The following NALCN variants were observed in gnomAD, a reference collection of about 807,000 sequenced individuals.
NALCN encodes sodium leak channel NALCN.
A neutral mutation model predicts 225.3 loss-of-function variants in NALCN; 111 were observed. The ratio of observed to expected loss-of-function variants is 0.49; its 90% confidence interval spans 0.42 to 0.58. NALCN has a LOEUF of 0.58. NALCN is among the 20% of genes least tolerant of loss of function. The probability of loss-of-function intolerance (pLI) is 0.00; values close to 1 mark genes in which losing one functional copy is unlikely to be tolerated. For synonymous variants in NALCN, 764 were observed against 769.0 expected (o/e 0.99, Z 0.11); for missense variants, 1,378 against 2,202.4 (o/e 0.63, Z 7.49).
rs74117821 is a variant in NALCN, at chr13:101,250,563, G to A, written c.1266+7880C>T. On this transcript the variant is annotated intron_variant, in intron 11 of 43. Transcript: ENST00000251127. ...TTCGAAGGACAATTGTTTATATATG[G>A]GGAAAAAATCAAGTCCTTATCTCAT... 6.2e-3 allele frequency among the ~76,000 whole-genome samples: 935 copies of A among 151,742 alleles called. 10 individuals carry two copies. The highest frequency in any genetic ancestry group is 0.022 in the African/African-American group (894 of 41,294).
chr13:101,232,891 G>T (rs73560749), intron 12 of NALCN, among the ~76,000 whole-genome samples: 2 of 151,946 alleles, frequency 1.3e-5, no homozygotes, highest in Admixed American at 1.3e-4. Context: ...AATCTGGAAA[G>T]ATTTCACATT....
intron 7 of NALCN, among the ~76,000 whole-genome samples, chr13:101,304,063 A>G (rs1291087543): frequency 6.6e-6 from 1 of 152,226 alleles, no homozygotes; most frequent in East Asian, 1.9e-4. Flanking sequence ...GGTATTCATA[A>G]GTCTTTTTGT....
intron 28 of NALCN, among the ~76,000 whole-genome samples, chr13:101,090,707 T>G (rs896374959): frequency 1.3e-5 from 2 of 152,174 alleles, no homozygotes; most frequent in Admixed American, 6.5e-5. Context: ...ACTCATTGGC[T>G]TATTCATTTT....
Position 101,095,670 on chromosome 13 carries a change from T to C in NALCN, c.3173A>G (p.Asn1058Ser), listed in dbSNP as rs780005350. 6.2e-6 allele frequency: 10 copies of C among 1,611,686 alleles called. No individual in the cohort carries two copies. The South Asian group carries it at 6.6e-5, about 11-fold the overall frequency. Reference sequence around the variant, plus strand: ...ACTGACATTAATTCTGAATATGCCATTGCAATCTTCCTAAAGTAGAAAAAC... The same window carrying C: ...ACTGACATTAATTCTGAATATGCCACTGCAATCTTCCTAAAGTAGAAAAAC... ...DPNIIRREDC[N>S]GIFRINVSVS... is the part of the protein sequence containing the mutation. The change falls in exon 28 of 44, where the codon AAT becomes AGT. Residue 1058 changes from asparagine to serine, a missense_variant. Asn to Ser is a conservative substitution (Grantham distance 46). Transcript: ENST00000251127.
At chr13:101,215,961 C>A (rs893515839) in intron 13 of NALCN, among the ~76,000 whole-genome samples, 1 of 152,004 alleles carries the variant, frequency 6.6e-6, no homozygotes, top group Non-Finnish European at 1.5e-5. Context: ...TGCTTAGCAA[C>A]CTATTCACAG....
In NALCN at chr13:101,345,676, TTCTATCTATCTA is replaced by T. The variant is rs71676800; in HGVS notation, c.645-268_645-257del. On this transcript the variant is annotated intron_variant, in intron 6 of 43. Transcript: ENST00000251127. ...CAAGACCTTGAGAGACCTTTGCTCT[TTCTATCTATCTA>T]TCTATCTATCTATCTATCTATCTAT... Among the ~76,000 whole-genome samples, 60 of 127,928 alleles carry T rather than the reference TTCTATCTATCTA, an allele frequency of 4.7e-4. 1 individual carries two copies. Among genetic ancestry groups the T allele is most frequent in the South Asian group, 2.5e-3 (10 of 3,992 alleles). 83.9% of individuals were successfully genotyped at this position (127,928 alleles called of 152,430 possible). A position where few individuals can be genotyped will look rare whatever the true frequency, so the allele number is the denominator to read the frequency against.
At chr13:101,163,753 T>C (rs2038302579) in intron 15 of NALCN, among the ~76,000 whole-genome samples, 1 of 152,076 alleles carries the variant, frequency 6.6e-6, no homozygotes, top group Non-Finnish European at 1.5e-5. Flanking sequence ...GGTGTGTTAG[T>C]TGTCTAGGGC....
At position 101,325,214 on chromosome 13, in the gene NALCN, A is replaced by G. The variant is rs1040533816; in HGVS notation, c.799+20052T>C. ...TGGGCTGACTTTATGAAATATCTCA[A>G]ACAAGTGTATAAACAGAGATGACCA... On this transcript the variant is annotated intron_variant, in intron 7 of 43. Coordinates refer to ENST00000251127, the MANE Select transcript of NALCN (RefSeq NM_052867.4). Among the ~76,000 whole-genome samples, 4 of 152,166 alleles carry G rather than the reference A, an allele frequency of 2.6e-5. No homozygotes were observed. The East Asian group carries it at 7.7e-4, about 29-fold the overall frequency.
At chr13:101,116,778 A>G (rs548628021) in intron 18 of NALCN, 24 of 368,094 alleles carry the variant, frequency 6.5e-5, no homozygotes, top group Admixed American at 3.6e-4. Flanking sequence ...AATTCATTTA[A>G]AAGTATTATC....
chr13:101,187,150 CAG>C (rs986592633), intron 14 of NALCN, among the ~76,000 whole-genome samples: 88 of 152,258 alleles, frequency 5.8e-4, no homozygotes, highest in African/African-American at 2.0e-3. Context: ...GAGATGGAGA[CAG>C]AGAGAGAATG....
At chr13:101,284,471 A>G (rs193143727) in intron 9 of NALCN, among the ~76,000 whole-genome samples, 3 of 152,300 alleles carry the variant, frequency 2.0e-5, no homozygotes, top group Admixed American at 2.0e-4. Flanking sequence ...TTGGACTACC[A>G]TGGTATCTTA....
At chr13:101,120,757 C>A (rs193198885) in intron 18 of NALCN, among the ~76,000 whole-genome samples, 1 of 152,054 alleles carries the variant, frequency 6.6e-6, no homozygotes, top group Admixed American at 6.6e-5. Context: ...GAACCAAAGC[C>A]GGGGGAAAGA....
At chr13:101,372,416 T>C (rs1027241698) in intron 6 of NALCN, among the ~76,000 whole-genome samples, 1 of 152,206 alleles carries the variant, frequency 6.6e-6, no homozygotes, top group East Asian at 1.9e-4. Flanking sequence ...CAAATTCTCA[T>C]GGAATTTTCA....
chr13:101,103,114 T>G, intron 26 of NALCN, 58 bp downstream of exon 26: 2 of 1,561,814 alleles, frequency 1.3e-6, no homozygotes, highest in Non-Finnish European at 1.7e-6. Flanking sequence ...TTTTCCCTCA[T>G]TAGCTGCATT....
intron 22 of NALCN, 131 bp downstream of exon 22, chr13:101,107,356 G>T: frequency 6.9e-7 from 1 of 1,458,920 alleles, no homozygotes; most frequent in Non-Finnish European, 9.3e-7. Flanking sequence ...AAGAGGAGCA[G>T]CATGATTAAT....
At chr13:101,371,236 C>T (rs1399098839) in intron 6 of NALCN, among the ~76,000 whole-genome samples, 2 of 152,148 alleles carry the variant, frequency 1.3e-5, no homozygotes, top group Admixed American at 6.5e-5. Context: ...TTTCTATGGA[C>T]ATACATTTTT....
intron 26 of NALCN, 112 bp downstream of exon 26, chr13:101,103,060 C>CA: frequency 7.6e-7 from 1 of 1,319,840 alleles, no homozygotes; most frequent in Non-Finnish European, 1.0e-6. Context: ...TACCCTCTGG[C>CA]AATAACCAAA....
intron 3 of NALCN, among the ~76,000 whole-genome samples, chr13:101,391,666 G>A (rs2047148506): frequency 6.9e-6 from 1 of 145,052 alleles, no homozygotes; most frequent in African/African-American, 2.6e-5. Flanking sequence ...CTGGGCAACA[G>A]AGCAAGATCT....
At chr13:101,339,872 G>C (rs951277966) in intron 7 of NALCN, among the ~76,000 whole-genome samples, 30 of 152,098 alleles carry the variant, frequency 2.0e-4, no homozygotes, top group African/African-American at 7.0e-4. Context: ...GATGAATAAA[G>C]ACCAAACATC....
Sources: allele counts gnomAD v4.1 joint callset (sites outside exome capture counted in the v4.1 genomes callset), GRCh38; gene constraint gnomAD v4.1.1; transcripts MANE v1.5; gene names NCBI Gene and HGNC (gene_info 2026-07-23, HGNC 2026-07-21).